Variants in ASCC1 observed in about 807,000 individuals in gnomAD.
ASCC1 encodes the protein ASC-1 complex subunit P50.
In ASCC1, 35 loss-of-function variants were observed where a neutral mutation model predicts 46.6. The ratio of observed to expected loss-of-function variants is 0.75; its 90% CI spans 0.57 to 0.99. The LOEUF (loss-of-function observed/expected upper bound fraction) is 0.99, where lower values mean the gene tolerates loss of function less well. ASCC1 is among the 50% of genes least tolerant of loss of function. ASCC1 has a pLI of 0.00. For synonymous variants in ASCC1, 143 were observed against 146.6 expected (o/e 0.98, Z 0.18); for missense variants, 376 against 428.7 (o/e 0.88, Z 1.09).
chr10:72,156,727 T>G (rs1279664497), intron 6 of ASCC1, among the ~76,000 whole-genome samples: 3 of 143,566 alleles, frequency 2.1e-5, no homozygotes, highest in Non-Finnish European at 3.0e-5. Flanking sequence ...AGCAGAGATC[T>G]CGCCACTGCA....
intron 5 of ASCC1, chr10:72,190,510 T>C: frequency 2.6e-6 from 4 of 1,567,136 alleles, no homozygotes; most frequent in Admixed American, 1.7e-5. Context: ...TCCACCACAC[T>C]ATTGGTGGTT....
rs369336992 is a variant in ASCC1 at position 72,196,775 on chromosome 10, CT to C, written c.489+35del. 627 of 1,557,152 alleles carry C rather than the reference CT, an allele frequency of 4.0e-4. 7 individuals carry two copies. The highest frequency in any genetic ancestry group is 3.9e-3 in the African/African-American group (281 of 72,134). ...ATTTTTGTATTCTTTTTATATTTAA[CT>C]TTTTTTTTAACCTTCTTGCTTTGTT... On this transcript the variant is annotated intron_variant, in intron 5 of 9. Coordinates refer to ENST00000672957, the MANE Select transcript of ASCC1 (RefSeq NM_001198800.3).
chr10:72,159,034 C>G (rs1849316542), intron 6 of ASCC1: 1 of 152,086 alleles, frequency 6.6e-6, no homozygotes, highest in African/African-American at 2.4e-5. Flanking sequence ...TAAACAAATG[C>G]ATGTGATGGG....
intron 7 of ASCC1, among the ~76,000 whole-genome samples, chr10:72,136,640 C>A (rs1846249650): frequency 1.3e-5 from 2 of 152,208 alleles, no homozygotes; most frequent in Admixed American, 1.3e-4. Flanking sequence ...CAGCAGCAAC[C>A]CACTTGGGTC....
intron 9 of ASCC1, among the ~76,000 whole-genome samples, chr10:72,118,651 C>T (rs920572832): frequency 2.0e-5 from 3 of 151,602 alleles, no homozygotes; most frequent in South Asian, 4.2e-4. Context: ...TGGTGGTGCA[C>T]GCCTGTAGTC....
chr10:72,114,656 GA>G (rs1379675845), intron 9 of ASCC1, among the ~76,000 whole-genome samples: 1 of 149,034 alleles, frequency 6.7e-6, no homozygotes, highest in Non-Finnish European at 1.5e-5. Context: ...ACATTTGCTA[GA>G]AATGAAAATA....
rs1341337233 is a variant in ASCC1, at chr10:72,203,406, CTT to C, written c.310+19_310+20del. On this transcript the variant is annotated intron_variant, in intron 4 of 9. Transcript: ENST00000672957. Reference sequence around the variant, plus strand: ...CATGCAAAAGTGACTTCAAATGTAACTTATATCTACTGAGTCTCACCAATTTC... The same window carrying C: ...CATGCAAAAGTGACTTCAAATGTAACATATCTACTGAGTCTCACCAATTTC... 6 of 1,558,870 alleles carry C rather than the reference CTT, an allele frequency of 3.8e-6. No homozygotes were observed. The East Asian group carries it at 6.7e-5, about 17-fold the overall frequency.
chr10:72,112,082 A>C (rs1229725481), intron 9 of ASCC1, among the ~76,000 whole-genome samples: 3 of 152,188 alleles, frequency 2.0e-5, no homozygotes, highest in African/African-American at 7.2e-5. Context: ...CGAAACTAAA[A>C]CGGTTTTATT....
chr10:72,175,138 C>A (rs1471831872), intron 5 of ASCC1, among the ~76,000 whole-genome samples: 1 of 152,280 alleles, frequency 6.6e-6, no homozygotes, highest in African/African-American at 2.4e-5. Flanking sequence ...GGCTGTGCAA[C>A]CAGACAGGCC....
chr10:72,194,681 C>A (rs988128705), intron 5 of ASCC1, among the ~76,000 whole-genome samples: 6 of 152,054 alleles, frequency 3.9e-5, no homozygotes, highest in Non-Finnish European at 5.9e-5. Context: ...CAGTAGGTAG[C>A]CATTACGAAA....
intron 7 of ASCC1, among the ~76,000 whole-genome samples, chr10:72,137,324 C>T (rs555153326): frequency 2.6e-5 from 4 of 151,914 alleles, no homozygotes; most frequent in East Asian, 3.9e-4. Context: ...GTCAGAAGTT[C>T]GAGATCAGCC....
Position 72,099,703 on chromosome 10 carries a change from G to A in ASCC1, c.958-2253C>T, listed in dbSNP as rs148359637. On this transcript the variant is annotated intron_variant, in intron 9 of 9. Coordinates refer to ENST00000672957, the MANE Select transcript of ASCC1 (RefSeq NM_001198800.3). ...GGCGTGGCAGCGCATGCCTGTAATC[G>A]CAGCTACCCGGGAGACTGAGGGAGG... Among the ~76,000 whole-genome samples the A allele has an allele frequency of 4.0e-3, 603 of 152,146 alleles. 2 individuals are homozygous for A. Among genetic ancestry groups the A allele is most frequent in the African/African-American group, 0.013 (549 of 41,512 alleles).
intron 9 of ASCC1, among the ~76,000 whole-genome samples, chr10:72,123,438 G>A (rs1245578): frequency 0.29 from 43,896 of 151,968 alleles, 7,987 homozygotes; most frequent in Middle Eastern, 0.42. Context: ...GGCGGACCAT[G>A]GGTGATGATG....
chr10:72,148,492 A>G (rs949495621), intron 7 of ASCC1, among the ~76,000 whole-genome samples: 1 of 152,142 alleles, frequency 6.6e-6, no homozygotes, highest in Non-Finnish European at 1.5e-5. Flanking sequence ...TTCTCAAAAG[A>G]GAAAATCAAG....
At chr10:72,109,274 T>C (rs868413460) in intron 9 of ASCC1, among the ~76,000 whole-genome samples, 13 of 152,144 alleles carry the variant, frequency 8.5e-5, no homozygotes, top group South Asian at 2.1e-4. Flanking sequence ...GTAGAACAGC[T>C]GTGATTTTTC....
At chr10:72,204,444 T>C in intron 3 of ASCC1, 2 of 1,550,450 alleles carry the variant, frequency 1.3e-6, no homozygotes, top group Non-Finnish European at 1.7e-6. Context: ...GTATAAATAT[T>C]CTGACAATCC....
At chr10:72,185,594 A>T (rs1235264945) in intron 5 of ASCC1, among the ~76,000 whole-genome samples, 1 of 152,220 alleles carries the variant, frequency 6.6e-6, no homozygotes, top group Non-Finnish European at 1.5e-5. Context: ...AATTCTAGAA[A>T]AGGGAAACCT....
intron 5 of ASCC1, among the ~76,000 whole-genome samples, chr10:72,183,193 G>A (rs569681059): frequency 2.6e-5 from 4 of 151,910 alleles, no homozygotes; most frequent in Admixed American, 1.3e-4. Flanking sequence ...ACGGGCACCC[G>A]CCACCATACA....
chr10:72,207,408 C>T (rs762389013), intron 3 of ASCC1, among the ~76,000 whole-genome samples: 1 of 152,056 alleles, frequency 6.6e-6, no homozygotes, highest in African/African-American at 2.4e-5. Context: ...AGTGAGAATC[C>T]GTCTCAAAAT....
Sources: gnomAD v4.1 joint callset for allele counts (sites outside exome capture counted in the v4.1 genomes callset) on GRCh38, gnomAD v4.1.1 for gene constraint, MANE v1.5 for transcripts, NCBI Gene and HGNC (gene_info 2026-07-23, HGNC 2026-07-21) for gene names.